The following CDCA7L variants were observed in gnomAD, a reference collection of about 807,000 sequenced individuals.
The protein encoded by CDCA7L is cell division cycle associated 7 like, also known as cell division cycle-associated 7-like protein.
A neutral mutation model predicts 57.4 loss-of-function variants in CDCA7L; 44 were observed. The observed-to-expected ratio is 0.77, with a 90% CI of 0.60 to 0.98. CDCA7L has a LOEUF of 0.98. CDCA7L is among the 50% of genes least tolerant of loss of function. The pLI, the probability that CDCA7L is intolerant of heterozygous loss-of-function variation, is 0.00. For missense variants in CDCA7L, 644 were observed against 580.6 expected (o/e 1.11, Z -1.12); for synonymous variants, 236 against 202.8 (o/e 1.16, Z -1.39).
In CDCA7L at chr7:21,906,255, A is replaced by G. The variant is rs1046706851; in HGVS notation, c.921+34T>C. The G allele has an allele frequency of 5.1e-6, 8 of 1,556,894 alleles. No individual in the cohort carries two copies. The African/African-American group carries it at 1.1e-4, about 21-fold the overall frequency. On this transcript the variant is annotated intron_variant, in intron 6 of 9. Coordinates refer to ENST00000406877, the MANE Select transcript of CDCA7L (RefSeq NM_018719.5). ...CACGTTTGGAGGGATGGTAGCTCAG[A>G]CAAAAACTAATTCATGTATTAGTCA...
At position 21,906,548 on chromosome 7, in the gene CDCA7L, T is replaced by C. The variant is rs763009889; in HGVS notation, c.753+20A>G. 1 of 1,613,710 alleles carries C rather than the reference T, an allele frequency of 6.2e-7. No homozygotes were observed. Among genetic ancestry groups the C allele is most frequent in the Non-Finnish European group, 8.5e-7 (1 of 1,179,662 alleles). Reference sequence around the variant, plus strand: ...TCACCATATATCAGTATTGGTATAATTATAAGGAGTTCTACTTACAGAAGC... The same window carrying C: ...TCACCATATATCAGTATTGGTATAACTATAAGGAGTTCTACTTACAGAAGC... On this transcript the variant is annotated intron_variant, in intron 5 of 9. Transcript: ENST00000406877.
chr7:21,944,336 A>G (rs1027590307), intron 1 of CDCA7L, among the ~76,000 whole-genome samples: 4 of 150,144 alleles, frequency 2.7e-5, no homozygotes, highest in Non-Finnish European at 5.9e-5. Context: ...CTGTAATCCC[A>G]GCTACTCGGG....
chr7:21,908,854 G>A (rs75703386), intron 3 of CDCA7L, among the ~76,000 whole-genome samples: 1 of 152,168 alleles, frequency 6.6e-6, no homozygotes, highest in Non-Finnish European at 1.5e-5. Flanking sequence ...TCACAGAAAA[G>A]GAGAGACAGC....
At chr7:21,925,294 G>C (rs1785788596) in intron 1 of CDCA7L, among the ~76,000 whole-genome samples, 2 of 152,126 alleles carry the variant, frequency 1.3e-5, no homozygotes, top group South Asian at 4.1e-4. Flanking sequence ...GTAATGAAAA[G>C]AATGGCAAGT....
chr7:21,933,517 G>A (rs1164695149), intron 1 of CDCA7L, among the ~76,000 whole-genome samples: 1 of 152,108 alleles, frequency 6.6e-6, no homozygotes, highest in Admixed American at 6.6e-5. Flanking sequence ...GGATGAAGCA[G>A]GAAACCAGCT....
At chr7:21,943,291 G>A (rs1048228127) in intron 1 of CDCA7L, among the ~76,000 whole-genome samples, 1 of 152,254 alleles carries the variant, frequency 6.6e-6, no homozygotes, top group African/African-American at 2.4e-5. Flanking sequence ...AGACTCGAAA[G>A]TAGTTCAGAG....
At chr7:21,926,253 T>G (rs1179057046) in intron 1 of CDCA7L, among the ~76,000 whole-genome samples, 1 of 152,172 alleles carries the variant, frequency 6.6e-6, no homozygotes, top group Non-Finnish European at 1.5e-5. Flanking sequence ...CAAACTCATG[T>G]TAACACCAAC....
rs79711039 is a variant in CDCA7L, at chr7:21,907,912, G to C, written c.681+218C>G. On this transcript the variant is annotated intron_variant, in intron 4 of 9. Coordinates refer to ENST00000406877, the MANE Select transcript of CDCA7L (RefSeq NM_018719.5). ...TGGCACCATGTAGGGGCTAAAAATG[G>C]TGCTGGGGAATCTCTTTCTGTTCCC... is the stretch of plus-strand genomic sequence containing the variant. Among the ~76,000 whole-genome samples, 969 of 152,324 alleles carry C rather than the reference G, an allele frequency of 6.4e-3. 5 individuals are homozygous for C. Among genetic ancestry groups the C allele is most frequent in the Non-Finnish European group, 9.9e-3 (672 of 68,030 alleles).
In CDCA7L at chr7:21,908,233, T is replaced by G. The variant is rs1463675694; in HGVS notation, c.578A>C (p.Glu193Ala). The change falls in exon 4 of 10, where the codon GAA becomes GCA. Residue 193 changes from glutamate (E) to alanine (A), a missense_variant. Glu to Ala is a moderately radical substitution (Grantham distance 107). Coordinates refer to ENST00000406877, the MANE Select transcript of CDCA7L (RefSeq NM_018719.5). ...KKDCRQVIQR[E>A]DSTSESEDDS... ...ATCCTCAGACTCAGAGGTAGAATCT[T>G]CCCTTTGTATCACCTGTCTACAGTC... The G allele has an allele frequency of 6.2e-7, 1 of 1,613,608 alleles. No homozygotes were observed. The highest frequency in any genetic ancestry group is 1.7e-5 in the Admixed American group (1 of 59,936).
intron 3 of CDCA7L, among the ~76,000 whole-genome samples, chr7:21,911,290 G>A (rs1202085403): frequency 6.6e-6 from 1 of 152,002 alleles, no homozygotes; most frequent in Non-Finnish European, 1.5e-5. Flanking sequence ...GCCTCCCAAA[G>A]TGCTGGGATT....
At chr7:21,906,515 G>C in intron 5 of CDCA7L, 53 bp downstream of exon 5, 2 of 1,612,310 alleles carry the variant, frequency 1.2e-6, no homozygotes, top group South Asian at 1.1e-5. Flanking sequence ...AAGCCGTCTG[G>C]TGGCTGATCA....
chr7:21,914,688 G>A (rs1785428211), intron 2 of CDCA7L, among the ~76,000 whole-genome samples: 1 of 152,164 alleles, frequency 6.6e-6, no homozygotes, highest in Admixed American at 6.5e-5. Flanking sequence ...CCCTGGATTT[G>A]GAACATCCCA....
intron 1 of CDCA7L, chr7:21,940,307 C>A (rs890170423): frequency 3.0e-6 from 3 of 984,834 alleles, no homozygotes; most frequent in Middle Eastern, 5.2e-4. Flanking sequence ...ACTATGCCTG[C>A]GAAGTGCTCT....
rs1052273764 is a variant in CDCA7L, at chr7:21,902,198, TAATTTCTACAAAG to T, written c.*111_*123del. 5 of 947,444 alleles carry T rather than the reference TAATTTCTACAAAG, an allele frequency of 5.3e-6. No individual in the cohort carries two copies. Among genetic ancestry groups the T allele is most frequent in the African/African-American group, 1.6e-5 (1 of 60,900 alleles). The allele number at this position is 947,444 out of a possible 1,614,324, so 58.7% of individuals were successfully genotyped here. A position where few individuals can be genotyped will look rare whatever the true frequency, so the allele number is the denominator to read the frequency against. On this transcript the variant is annotated 3_prime_UTR_variant, in exon 10 of 10. Transcript: ENST00000406877. The stretch of plus-strand genomic sequence containing the variant: ...ATAAACAATCTTTAACAAAAAATAG[TAATTTCTACAAAG>T]AATTTCTGTATAAAAACACAACTGT...
intron 1 of CDCA7L, chr7:21,944,731 T>C (rs1786459165): frequency 6.6e-6 from 1 of 152,132 alleles, no homozygotes; most frequent in South Asian, 2.1e-4. Flanking sequence ...CGGTTTGGGC[T>C]CGGGCGCCGG....
intron 3 of CDCA7L, among the ~76,000 whole-genome samples, chr7:21,909,972 G>A (rs1028480523): frequency 1.3e-5 from 2 of 152,202 alleles, no homozygotes; most frequent in African/African-American, 4.8e-5. Flanking sequence ...GGGTGGGCAG[G>A]AGGGTGGGCT....
intron 1 of CDCA7L, among the ~76,000 whole-genome samples, chr7:21,938,340 C>T (rs148324858): frequency 2.0e-5 from 3 of 151,756 alleles, no homozygotes; most frequent in African/African-American, 7.3e-5. Flanking sequence ...AACAAAACCA[C>T]GATGAGATAC....
intron 1 of CDCA7L, among the ~76,000 whole-genome samples, chr7:21,937,555 T>C (rs1312530989): frequency 6.6e-6 from 1 of 151,896 alleles, no homozygotes; most frequent in East Asian, 1.9e-4. Context: ...GGAGAATTGC[T>C]TGAACCCAGG....
chr7:21,923,740 C>T (rs1164177786), intron 1 of CDCA7L, among the ~76,000 whole-genome samples: 1 of 152,190 alleles, frequency 6.6e-6, no homozygotes, highest in Non-Finnish European at 1.5e-5. Context: ...GCCTGTAAGC[C>T]CATTAGTTAA....
Sources: allele counts gnomAD v4.1 joint callset (sites outside exome capture counted in the v4.1 genomes callset), GRCh38; gene constraint gnomAD v4.1.1; transcripts MANE v1.5; gene names NCBI Gene and HGNC (gene_info 2026-07-23, HGNC 2026-07-21).